Variants in ZPBP observed in about 807,000 individuals in gnomAD.
The protein encoded by ZPBP is zona pellucida-binding protein 1.
A neutral mutation model predicts 44.8 loss-of-function variants in ZPBP; 26 were observed. The ratio of observed to expected loss-of-function variants is 0.58; its 90% CI spans 0.43 to 0.81. ZPBP has a LOEUF of 0.81. Ranked by LOEUF, ZPBP falls within the 30% of genes least tolerant of loss-of-function variation. The pLI is 0.00. For missense variants in ZPBP, 409 were observed against 434.0 expected (o/e 0.94, Z 0.51); for synonymous variants, 174 against 153.2 (o/e 1.14, Z -1.00).
chr7:49,871,116 T>G (rs1208106797), intron 2 of ZPBP, among the ~76,000 whole-genome samples: 1 of 152,168 alleles, frequency 6.6e-6, no homozygotes, highest in Non-Finnish European at 1.5e-5. Context: ...AAGTAGTATT[T>G]CATAAATACA....
intron 3 of ZPBP, among the ~76,000 whole-genome samples, chr7:50,066,597 GGCATAGACATTT>G (rs1322193236): frequency 6.6e-6 from 1 of 152,110 alleles, no homozygotes; most frequent in Non-Finnish European, 1.5e-5. Context: ...CATTCCTCTG[GGCATAGACATTT>G]GCAGCATTTG....
chr7:49,986,066 G>C (rs1436574570), intron 6 of ZPBP, among the ~76,000 whole-genome samples: 1 of 152,112 alleles, frequency 6.6e-6, no homozygotes, highest in Non-Finnish European at 1.5e-5. Flanking sequence ...GTGTGATAAG[G>C]ACCTAGATTT....
At chr7:50,014,915 TAA>T (rs764833425) in intron 6 of ZPBP, among the ~76,000 whole-genome samples, 3 of 152,122 alleles carry the variant, frequency 2.0e-5, no homozygotes, top group Non-Finnish European at 4.4e-5. Context: ...TAATAATATA[TAA>T]GATGCTAACA....
chr7:49,988,118 A>G (rs1182586251), intron 6 of ZPBP, among the ~76,000 whole-genome samples: 1 of 152,228 alleles, frequency 6.6e-6, no homozygotes, highest in African/African-American at 2.4e-5. Context: ...AAGCATTAAA[A>G]GCATAACAAA....
chr7:49,981,420 TA>T (rs1796916021), intron 7 of ZPBP, among the ~76,000 whole-genome samples: 1 of 62,148 alleles, frequency 1.6e-5, no homozygotes, highest in Non-Finnish European at 2.8e-5. Context: ...ATATAATATA[TA>T]ATATAAAATA....
chr7:49,987,873 T>C (rs1797380871), intron 6 of ZPBP, among the ~76,000 whole-genome samples: 1 of 152,106 alleles, frequency 6.6e-6, no homozygotes, highest in Non-Finnish European at 1.5e-5. Context: ...ACCTTTTAGT[T>C]CACGTGACAT....
Position 49,983,535 on chromosome 7 carries a change from A to AGTTTATCAAATTGT in ZPBP, c.784-17_784-16insACAATTTGATAAAC. On this transcript the variant is annotated splice_polypyrimidine_tract_variant and intron_variant, in intron 6 of 7. Coordinates refer to ENST00000046087, the MANE Select transcript of ZPBP (RefSeq NM_007009.3). ...GATTTTTAGCCTAAAACATAAATAC[A>AGTTTATCAAATTGT]ATTTGATAAACTGTTAGCCATAAAA... is the stretch of plus-strand genomic sequence containing the variant. 6.8e-7 allele frequency: 1 copy of AGTTTATCAAATTGT among 1,479,980 alleles called. No homozygotes were observed. The highest frequency in any genetic ancestry group is 1.2e-5 in the South Asian group (1 of 84,428). The allele number at this position is 1,479,980 out of a possible 1,614,324, so 91.7% of individuals were successfully genotyped here.
intron 5 of ZPBP, among the ~76,000 whole-genome samples, chr7:50,028,285 A>T (rs1799426749): frequency 1.2e-4 from 1 of 8,222 alleles, no homozygotes; most frequent in Admixed American, 6.2e-4. Flanking sequence ...GGTGAAAATT[A>T]AAAAAAAAAC....
downstream of ZPBP, among the ~76,000 whole-genome samples, chr7:49,933,454 G>T (rs1273255844): frequency 6.6e-6 from 1 of 152,106 alleles, no homozygotes; most frequent in African/African-American, 2.4e-5. Flanking sequence ...ACTGTTGGTG[G>T]GACTGTAAAC....
At chr7:49,981,384 A>ATTTTAT (rs1466053830) in intron 7 of ZPBP, among the ~76,000 whole-genome samples, 4 of 18,372 alleles carry the variant, frequency 2.2e-4, no homozygotes, top group South Asian at 4.2e-3. Flanking sequence ...TATTATATAT[A>ATTTTAT]ATTATATATA....
chr7:49,914,767 C>T (rs944912263), intron 1 of ZPBP: 4 of 152,078 alleles, frequency 2.6e-5, no homozygotes, highest in African/African-American at 9.7e-5. Context: ...CAATAAATAA[C>T]CTGAATAACT....
intron 7 of ZPBP, among the ~76,000 whole-genome samples, chr7:49,982,365 T>C (rs1035567751): frequency 4.5e-5 from 6 of 131,888 alleles, no homozygotes; most frequent in Non-Finnish European, 9.4e-5. Context: ...ATATATAATA[T>C]ATAATACATA....
chr7:49,912,121 A>C, intron 1 of ZPBP: 1 of 1,614,174 alleles, frequency 6.2e-7, no homozygotes, highest in Non-Finnish European at 8.5e-7. Flanking sequence ...TGTACTTATG[A>C]GGAAGGCACA....
chr7:50,044,608 A>G (rs1562867348), intron 4 of ZPBP, among the ~76,000 whole-genome samples: 1 of 152,232 alleles, frequency 6.6e-6, no homozygotes, highest in Non-Finnish European at 1.5e-5. Context: ...CTCTCCCAAG[A>G]CTAAACCAGG....
intron 4 of ZPBP, among the ~76,000 whole-genome samples, chr7:50,057,451 G>A (rs1801012101): frequency 6.6e-6 from 1 of 152,096 alleles, no homozygotes; most frequent in African/African-American, 2.4e-5. Context: ...TCGGCCAGAA[G>A]GCGTCTCTCA....
chr7:50,057,970 A>T lies in ZPBP; in HGVS notation c.487+19T>A, dbSNP rs764444740. ...AAATCATTAAGAAAGGTTAAAACAC[A>T]ACTAACTTTACTTCTTACCATATAT... On this transcript the variant is annotated intron_variant, in intron 4 of 7. Transcript: ENST00000046087. The T allele has an allele frequency of 6.9e-6, 11 of 1,600,994 alleles. No homozygotes were observed. In the East Asian group the frequency reaches 2.5e-4, roughly 36 times the overall value.
intron 5 of ZPBP, among the ~76,000 whole-genome samples, chr7:50,028,454 A>G (rs1799436954): frequency 6.6e-6 from 1 of 152,074 alleles, no homozygotes; most frequent in Admixed American, 6.6e-5. Context: ...CACTTCTACT[A>G]AACATTGTGC....
intron 4 of ZPBP, among the ~76,000 whole-genome samples, chr7:50,040,833 C>A (rs910324863): frequency 1.3e-5 from 2 of 152,100 alleles, no homozygotes; most frequent in African/African-American, 4.8e-5. Context: ...GGAAAGGGGG[C>A]TGAAACCAGG....
chr7:50,032,865 G>A (rs572447284), intron 4 of ZPBP, among the ~76,000 whole-genome samples: 19 of 152,216 alleles, frequency 1.2e-4, no homozygotes, highest in Non-Finnish European at 8.8e-5. Flanking sequence ...ATGATTCATG[G>A]AATAGACTTT....
Sources: allele counts gnomAD v4.1 joint callset (sites outside exome capture counted in the v4.1 genomes callset), GRCh38; gene constraint gnomAD v4.1.1; transcripts MANE v1.5; gene names NCBI Gene and HGNC (gene_info 2026-07-23, HGNC 2026-07-21).